The following UBN2 variants were observed in gnomAD, a reference collection of about 807,000 sequenced individuals.
The protein encoded by UBN2 is ubinuclein 2, also known as ubinuclein-2.
In UBN2, 35 loss-of-function variants were observed where a neutral mutation model predicts 120.2. The ratio of observed to expected loss-of-function variants is 0.29; its 90% CI spans 0.22 to 0.39. UBN2 has a LOEUF of 0.39. UBN2 is among the 10% of genes least tolerant of loss of function. UBN2 has a pLI of 1.00. For synonymous variants in UBN2, 661 were observed against 648.7 expected, an observed-to-expected ratio of 1.02 and a Z score of -0.29; for missense variants, 1,693 against 1,663.2, an observed-to-expected ratio of 1.02 and a Z score of -0.31.
intron 1 of UBN2, among the ~76,000 whole-genome samples, chr7:139,236,327 T>C (rs752943055): frequency 5.3e-5 from 8 of 152,220 alleles, no homozygotes; most frequent in Non-Finnish European, 8.8e-5. Context: ...TTAAAAGTAA[T>C]GTGTATTCCC....
intron 2 of UBN2, among the ~76,000 whole-genome samples, chr7:139,240,105 A>G (rs771580621): frequency 2.3e-4 from 35 of 152,078 alleles, no homozygotes; most frequent in Non-Finnish European, 4.9e-4. Flanking sequence ...AAGCCTTGTT[A>G]TTTTGTTTAC....
the UBN2 span, among the ~76,000 whole-genome samples, chr7:139,317,317 G>A: frequency 6.6e-6 from 1 of 151,606 alleles, no homozygotes; most frequent in Non-Finnish European, 1.5e-5. Flanking sequence ...ACTATATGGT[G>A]CATACCACCA....
chr7:139,259,832 C>T (rs6467833), intron 5 of UBN2, among the ~76,000 whole-genome samples: 94,156 of 151,862 alleles, frequency 0.62, 31,179 homozygotes, highest in African/African-American at 0.86. Context: ...CACTGCAACT[C>T]CCATCTCCTG....
In UBN2 at chr7:139,299,468, G is replaced by T. The variant is rs1429390278; in HGVS notation, c.*1632G>T. The T allele has an allele frequency of 6.6e-6, 1 of 152,114 alleles. No individual in the cohort carries two copies. Among genetic ancestry groups the T allele is most frequent in the East Asian group, 1.9e-4 (1 of 5,194 alleles). 9.4% of individuals were successfully genotyped at this position (152,114 alleles called of 1,614,324 possible). The stretch of plus-strand genomic sequence containing the variant: ...ACTGTGAATAAATAACCACAGATCG[G>T]TTCAGATCTGTATGCCTATATTTTG... On this transcript the variant is annotated 3_prime_UTR_variant, in exon 18 of 18. Coordinates refer to ENST00000473989, the MANE Select transcript of UBN2 (RefSeq NM_173569.4).
intron 1 of UBN2, among the ~76,000 whole-genome samples, chr7:139,235,419 G>T (rs913206669): frequency 6.6e-6 from 1 of 151,866 alleles, no homozygotes; most frequent in African/African-American, 2.4e-5. Flanking sequence ...TTTTTGAGAT[G>T]AAGTCTCACT....
intron 2 of UBN2, among the ~76,000 whole-genome samples, chr7:139,237,645 T>G (rs1271568575): frequency 3.3e-5 from 5 of 152,172 alleles, no homozygotes; most frequent in African/African-American, 1.2e-4. Context: ...CTAAGTAATA[T>G]TGACCATATT....
Position 139,231,428 on chromosome 7 carries a change from G to A in UBN2, c.-57G>A. ...AAGAGGAAGGGCGGGCAGGCACGCA[G>A]CGCGCCGTAGAAGCGAGCGCCGGCT... On this transcript the variant is annotated 5_prime_UTR_variant, in exon 1 of 18. Transcript: ENST00000473989. 2.4e-6 allele frequency: 3 copies of A among 1,252,538 alleles called. No individual in the cohort carries two copies. Among genetic ancestry groups the A allele is most frequent in the Non-Finnish European group, 3.0e-6 (3 of 985,530 alleles). The allele number at this position is 1,252,538 out of a possible 1,614,324, so 77.6% of individuals were successfully genotyped here.
intron 17 of UBN2, among the ~76,000 whole-genome samples, chr7:139,294,782 G>A (rs1247863854): frequency 2.0e-5 from 3 of 152,064 alleles, no homozygotes; most frequent in East Asian, 1.9e-4. Flanking sequence ...TGGAGGTTGC[G>A]GTGAGCCGAG....
rs367872640 is a variant in UBN2, at chr7:139,272,323, A to G, written c.1598A>G (p.Asp533Gly). ...CTTCTAGTATGTTTTTCTTTTTAGG[A>G]TGATCGTTTAAGAGAACCTCTGCAA... ...RLKKLHLNVQ[D>G]DRLREPLQKL... is the part of the protein sequence containing the mutation. The change falls in exon 9 of 18, where the codon GAT becomes GGT. Residue 533 changes from aspartate (D) to glycine (G), a missense_variant and splice_region_variant. Asp to Gly is a moderately conservative substitution (Grantham distance 94). Around this residue, in one of 5 missense-constraint regions of UBN2, gnomAD observed 178 missense variants for 204.0 expected, o/e 0.87. Coordinates refer to ENST00000473989, the MANE Select transcript of UBN2 (RefSeq NM_173569.4). The G allele has an allele frequency of 1.4e-4, 217 of 1,606,374 alleles. No individual in the cohort carries two copies. Among genetic ancestry groups the G allele is most frequent in the East Asian group, 2.9e-4 (13 of 44,792 alleles).
intron 16 of UBN2, 75 bp from the exon 17 acceptor site, chr7:139,293,814 A>G (rs561266535): frequency 2.0e-5 from 28 of 1,387,680 alleles, no homozygotes; most frequent in Non-Finnish European, 3.1e-6. Context: ...CATTACATAA[A>G]TCAGTTTTCA....
chr7:139,262,088 TTTTA>T (rs756270445), intron 6 of UBN2, among the ~76,000 whole-genome samples: 3 of 150,268 alleles, frequency 2.0e-5, no homozygotes, highest in Admixed American at 6.6e-5. Flanking sequence ...TGGTGTTTTA[TTTTA>T]TTTATTTATT....
intron 2 of UBN2, among the ~76,000 whole-genome samples, chr7:139,238,608 GA>G (rs1236875552): frequency 6.6e-6 from 1 of 152,084 alleles, no homozygotes. Flanking sequence ...ATTTTTAGTA[GA>G]GATGGTTTCA....
At position 139,300,922 on chromosome 7, in the gene UBN2, A is replaced by G. The variant is rs78177770; in HGVS notation, c.*3086A>G. On this transcript the variant is annotated 3_prime_UTR_variant, in exon 18 of 18. Coordinates refer to ENST00000473989, the MANE Select transcript of UBN2 (RefSeq NM_173569.4). ...AAGCAATAATTTCCATTATAATTCA[A>G]TTATAATTCTTGTATGCTTTTGAGG... 55 of 152,346 alleles carry G rather than the reference A, an allele frequency of 3.6e-4. No individual in the cohort carries two copies. The highest frequency in any genetic ancestry group is 1.1e-3 in the African/African-American group (47 of 41,582). The allele number at this position is 152,346 out of a possible 1,614,324, so 9.4% of individuals were successfully genotyped here.
chr7:139,294,365 T>C (rs910060900), intron 17 of UBN2, among the ~76,000 whole-genome samples: 1 of 152,222 alleles, frequency 6.6e-6, no homozygotes, highest in Non-Finnish European at 1.5e-5. Context: ...CCCTGAATGA[T>C]AGATGACGAT....
chr7:139,254,274 C>T (rs1796700207), intron 3 of UBN2, among the ~76,000 whole-genome samples: 1 of 152,012 alleles, frequency 6.6e-6, no homozygotes, highest in Non-Finnish European at 1.5e-5. Flanking sequence ...GCCTGGGCAA[C>T]AGAGTGAGAC....
rs1190153840 is a variant in UBN2, at chr7:139,306,377, A to C, written c.*8541A>C. ...TTTTCTTTACTATACCTGCAAAATT[A>C]CCAAGGGTTACCCCAATATTGTCTA... On this transcript the variant is annotated 3_prime_UTR_variant, in exon 18 of 18. Transcript: ENST00000473989. The C allele has an allele frequency of 6.6e-6, 1 of 152,212 alleles. No homozygotes were observed. Among genetic ancestry groups the C allele is most frequent in the African/African-American group, 2.4e-5 (1 of 41,450 alleles). The allele number at this position is 152,212 out of a possible 1,614,324, so 9.4% of individuals were successfully genotyped here.
At chr7:139,239,481 A>G (rs2130932734) in intron 2 of UBN2, among the ~76,000 whole-genome samples, 1 of 150,130 alleles carries the variant, frequency 6.7e-6, no homozygotes, top group South Asian at 2.1e-4. Flanking sequence ...CGGAAGATTT[A>G]TGCATTTATA....
chr7:139,231,419 A>T lies in UBN2; in HGVS notation c.-66A>T. The T allele has an allele frequency of 8.4e-7, 1 of 1,186,252 alleles. No homozygotes were observed. 73.5% of individuals were successfully genotyped at this position (1,186,252 alleles called of 1,614,324 possible). A position where few individuals can be genotyped will look rare whatever the true frequency, so the allele number is the denominator to read the frequency against. On this transcript the variant is annotated 5_prime_UTR_variant, in exon 1 of 18. Coordinates refer to ENST00000473989, the MANE Select transcript of UBN2 (RefSeq NM_173569.4). The stretch of plus-strand genomic sequence containing the variant: ...ACAGAGAGCAAGAGGAAGGGCGGGC[A>T]GGCACGCAGCGCGCCGTAGAAGCGA...
rs1563223037 is a variant in UBN2 at position 139,283,710 on chromosome 7, C to G, written c.2805C>G (p.Val935=). The G allele has an allele frequency of 6.2e-7, 1 of 1,614,076 alleles. No homozygotes were observed. Among genetic ancestry groups the G allele is most frequent in the African/African-American group, 1.3e-5 (1 of 75,052 alleles). The part of the protein sequence containing the change: ...QVTKVHQHSA[V]QQNYVSPLQA... Reference sequence around the variant, plus strand: ...CAAAGGTGCACCAGCATTCAGCTGTCCAGCAGAACTATGTGTCTCCATTAC... The same window carrying G: ...CAAAGGTGCACCAGCATTCAGCTGTGCAGCAGAACTATGTGTCTCCATTAC... Residue 935 remains valine, a synonymous_variant, in exon 15 of 18, where the codon GTC becomes GTG. Coordinates refer to ENST00000473989, the MANE Select transcript of UBN2 (RefSeq NM_173569.4).
Sources: gnomAD v4.1 joint callset for allele counts (sites outside exome capture counted in the v4.1 genomes callset) on GRCh38, gnomAD v4.1.1 for gene constraint, gnomAD v4.1.1 regional missense constraint, MANE v1.5 for transcripts, NCBI Gene and HGNC (gene_info 2026-07-23, HGNC 2026-07-21) for gene names.